The following CCDC178 variants were observed in gnomAD, a reference collection of about 807,000 sequenced individuals.
The protein encoded by CCDC178 is coiled-coil domain containing 178, also known as coiled-coil domain-containing protein 178.
A neutral mutation model predicts 117.4 loss-of-function variants in CCDC178; 126 were observed. That is an observed-to-expected ratio of 1.07 (90% CI 0.93 to 1.24). The LOEUF is 1.24. Ranked by LOEUF, CCDC178 falls within the 50% of genes most tolerant of loss-of-function variation. The probability of loss-of-function intolerance (pLI) is 0.00; values close to 1 mark genes in which losing one functional copy is unlikely to be tolerated. For synonymous variants in CCDC178, 283 were observed against 313.4 expected, an observed-to-expected ratio of 0.90 and a Z score of 1.02; for missense variants, 1,030 against 986.9, an observed-to-expected ratio of 1.04 and a Z score of -0.59.
At chr18:32,975,071 C>T (rs1192757529) in intron 21 of CCDC178, among the ~76,000 whole-genome samples, 1 of 152,152 alleles carries the variant, frequency 6.6e-6, no homozygotes, top group Non-Finnish European at 1.5e-5. Context: ...TTGAATGGCA[C>T]ATCAGGTCAA....
chr18:33,283,907 A>G (rs2060062026), intron 12 of CCDC178, among the ~76,000 whole-genome samples: 1 of 151,732 alleles, frequency 6.6e-6, no homozygotes, highest in African/African-American at 2.4e-5. Context: ...ATTACTGGGT[A>G]CATACCCAAA....
At chr18:33,069,927 C>T (rs948627793) in intron 21 of CCDC178, among the ~76,000 whole-genome samples, 1 of 151,854 alleles carries the variant, frequency 6.6e-6, no homozygotes, top group East Asian at 1.9e-4. Context: ...TGAAAAAATG[C>T]TAAACATTAC....
intron 12 of CCDC178, among the ~76,000 whole-genome samples, chr18:33,279,314 GACAA>G (rs1185737724): frequency 6.6e-5 from 10 of 151,718 alleles, no homozygotes; most frequent in Non-Finnish European, 1.2e-4. Context: ...ACCAATAACA[GACAA>G]ACAGAGAGCC....
chr18:33,269,041 C>T (rs2059854720), intron 12 of CCDC178, among the ~76,000 whole-genome samples: 2 of 151,744 alleles, frequency 1.3e-5, no homozygotes, highest in African/African-American at 2.4e-5. Flanking sequence ...GGCTAGAATG[C>T]ATTCAAAGCC....
chr18:33,419,103 T>C (rs2063988534), intron 2 of CCDC178, among the ~76,000 whole-genome samples: 1 of 152,034 alleles, frequency 6.6e-6, no homozygotes, highest in Non-Finnish European at 1.5e-5. Flanking sequence ...CATAGACCAA[T>C]GAAACAGAAT....
intron 14 of CCDC178, among the ~76,000 whole-genome samples, 163 bp from the exon 15 acceptor site, chr18:33,245,591 T>C (rs908875388): frequency 1.3e-5 from 2 of 151,878 alleles, no homozygotes; most frequent in African/African-American, 2.4e-5. Context: ...TAGGACTCCA[T>C]TTATTCTGCT....
At chr18:33,128,161 AGTTT>A (rs997518193) in intron 20 of CCDC178, among the ~76,000 whole-genome samples, 3 of 152,180 alleles carry the variant, frequency 2.0e-5, no homozygotes, top group African/African-American at 7.2e-5. Flanking sequence ...CATTCTTATT[AGTTT>A]ATCCCATTCC....
At position 33,245,365 on chromosome 18, in the gene CCDC178, A is replaced by G. The variant is rs764037661; in HGVS notation, c.1473T>C (p.Asn491=). The part of the protein sequence containing the change: ...IKYLTIMKLK[N]DKHLKNIYKE... ...TATAGATGTTCTTGAGATGTTTATC[A>G]TTCTTTAACTTCATTATTGTCAAAT... Residue 491 remains asparagine, a synonymous_variant, in exon 15 of 23, where the codon AAT becomes AAC. Coordinates refer to ENST00000383096, the MANE Select transcript of CCDC178 (RefSeq NM_001105528.4). 2.5e-6 allele frequency: 4 copies of G among 1,603,934 alleles called. No homozygotes were observed. Among genetic ancestry groups the G allele is most frequent in the Non-Finnish European group, 2.6e-6 (3 of 1,175,880 alleles).
At chr18:32,994,425 A>G (rs1288894713) in intron 21 of CCDC178, among the ~76,000 whole-genome samples, 2 of 152,208 alleles carry the variant, frequency 1.3e-5, no homozygotes, top group African/African-American at 4.8e-5. Flanking sequence ...CACCTGTAAA[A>G]TAATTTTAAC....
intron 21 of CCDC178, among the ~76,000 whole-genome samples, chr18:33,091,007 T>C (rs1388517021): frequency 2.0e-5 from 3 of 152,202 alleles, no homozygotes. Flanking sequence ...GTATCGAATG[T>C]ATTTGTCATT....
chr18:33,175,734 T>A (rs1161044527), intron 20 of CCDC178, among the ~76,000 whole-genome samples: 1 of 152,106 alleles, frequency 6.6e-6, no homozygotes, highest in Non-Finnish European at 1.5e-5. Flanking sequence ...GTTTCAGGAC[T>A]TTAGAAAGAA....
intron 22 of CCDC178, among the ~76,000 whole-genome samples, chr18:32,955,565 A>T (rs2054576635): frequency 6.6e-6 from 1 of 152,162 alleles, no homozygotes; most frequent in African/African-American, 2.4e-5. Flanking sequence ...CTGTATCTTT[A>T]TAAATGCCTA....
At chr18:33,176,020 G>A (rs2058660665) in intron 20 of CCDC178, among the ~76,000 whole-genome samples, 1 of 151,816 alleles carries the variant, frequency 6.6e-6, no homozygotes, top group Admixed American at 6.6e-5. Context: ...GTAGTTAAGG[G>A]AGAGGTAGGC....
At chr18:33,420,915 G>T (rs73955124) in intron 2 of CCDC178, among the ~76,000 whole-genome samples, 316 of 152,202 alleles carry the variant, frequency 2.1e-3, no homozygotes, top group African/African-American at 7.2e-3. Flanking sequence ...CTATATAAAA[G>T]AATATATCAC....
At chr18:33,064,212 C>A (rs2056974745) in intron 21 of CCDC178, among the ~76,000 whole-genome samples, 1 of 152,128 alleles carries the variant, frequency 6.6e-6, no homozygotes, top group Admixed American at 6.5e-5. Context: ...AAAAGGAAAT[C>A]TATGAAGTGC....
intron 21 of CCDC178, among the ~76,000 whole-genome samples, chr18:32,977,214 G>A (rs747237087): frequency 2.6e-5 from 4 of 152,010 alleles, no homozygotes; most frequent in Non-Finnish European, 4.4e-5. Flanking sequence ...ATTCAATTCC[G>A]TCTAACTTAA....
At chr18:33,087,832 A>G (rs1217023204) in intron 21 of CCDC178, among the ~76,000 whole-genome samples, 1 of 152,228 alleles carries the variant, frequency 6.6e-6, no homozygotes, top group Non-Finnish European at 1.5e-5. Context: ...AACAGCTTTC[A>G]CATTTCTCTA....
intron 21 of CCDC178, among the ~76,000 whole-genome samples, chr18:33,077,215 AGAG>A (rs1426528456): frequency 3.3e-5 from 5 of 152,210 alleles, no homozygotes; most frequent in African/African-American, 7.2e-5. Context: ...AAATAATAAA[AGAG>A]GAGGAGAATA....
chr18:33,281,643 A>T (rs1392669001), intron 12 of CCDC178, among the ~76,000 whole-genome samples: 1 of 152,190 alleles, frequency 6.6e-6, no homozygotes, highest in Non-Finnish European at 1.5e-5. Flanking sequence ...ATGTCTTCTT[A>T]AAAGTGAATG....
Sources: allele counts gnomAD v4.1 joint callset (sites outside exome capture counted in the v4.1 genomes callset), GRCh38; gene constraint gnomAD v4.1.1; transcripts MANE v1.5; gene names NCBI Gene and HGNC (gene_info 2026-07-23, HGNC 2026-07-21).